LRP11: variants seen among roughly 807,000 people sequenced by gnomAD.
LRP11 encodes the protein low-density lipoprotein receptor-related protein 11.
In LRP11, 25 loss-of-function variants were observed where a neutral mutation model predicts 43.1. The observed-to-expected ratio is 0.58, with a 90% CI of 0.42 to 0.81. The LOEUF is 0.81. Ranked by LOEUF, LRP11 falls within the 30% of genes least tolerant of loss-of-function variation. The pLI is 0.00. For synonymous variants in LRP11, 316 were observed against 299.4 expected, an observed-to-expected ratio of 1.06 and a Z score of -0.57; for missense variants, 623 against 665.1, an observed-to-expected ratio of 0.94 and a Z score of 0.70.
rs921893958 is a variant in LRP11, at chr6:149,827,004, T to C, written c.1253-645A>G. Among the ~76,000 whole-genome samples, 2 of 151,478 alleles carry C rather than the reference T, an allele frequency of 1.3e-5. No individual in the cohort carries two copies. The highest frequency in any genetic ancestry group is 4.9e-5 in the African/African-American group (2 of 41,110). The stretch of plus-strand genomic sequence containing the variant: ...TTTTTTTTTTGAGACAGAGTCTCTG[T>C]TGCCCAGATTGGAGTGCAGTGGCAC... On this transcript the variant is annotated intron_variant, in intron 5 of 6. Coordinates refer to ENST00000239367, the MANE Select transcript of LRP11 (RefSeq NM_032832.6). The surrounding 1 kb of genome is among the most constrained non-coding windows in gnomAD (Gnocchi z 4.2).
At chr6:149,822,514 A>AC (rs1776289604) in intron 6 of LRP11, among the ~76,000 whole-genome samples, 2 of 125,066 alleles carry the variant, frequency 1.6e-5, no homozygotes, top group African/African-American at 6.5e-5. Context: ...AAAAAAAAAA[A>AC]AAAAAGACTG....
intron 1 of LRP11, among the ~76,000 whole-genome samples, chr6:149,859,392 A>ATTTTTTTTTTTTT (rs1379449979): frequency 1.3e-5 from 1 of 76,830 alleles, no homozygotes; most frequent in African/African-American, 9.5e-5. Flanking sequence ...ATATATATAT[A>ATTTTTTTTTTTTT]TATATTTTTT....
intron 6 of LRP11, among the ~76,000 whole-genome samples, chr6:149,825,019 G>T (rs1476169758): frequency 6.6e-6 from 1 of 152,132 alleles, no homozygotes; most frequent in Non-Finnish European, 1.5e-5. Context: ...AATATCTTGG[G>T]ACAGGCTAAG....
chr6:149,831,847 G>C (rs1209488467), intron 5 of LRP11, among the ~76,000 whole-genome samples: 2 of 152,230 alleles, frequency 1.3e-5, no homozygotes, highest in East Asian at 3.9e-4. Flanking sequence ...AGTTTTTGTA[G>C]AGATGGGGTT....
chr6:149,844,064 C>T (rs1046356670), intron 2 of LRP11, among the ~76,000 whole-genome samples: 3 of 152,092 alleles, frequency 2.0e-5, no homozygotes, highest in African/African-American at 7.2e-5. Flanking sequence ...ACCATCTTGG[C>T]CAACATGGTG....
chr6:149,862,934 A>G (rs768637384), intron 1 of LRP11, among the ~76,000 whole-genome samples: 37 of 152,150 alleles, frequency 2.4e-4, no homozygotes, highest in Non-Finnish European at 3.4e-4. Context: ...CTTTTTATAA[A>G]AGGGACCAGA....
rs199576487 is a variant in LRP11, at chr6:149,842,814, C to T, written c.913+169G>A. The T allele has an allele frequency of 1.1e-5, 13 of 1,206,198 alleles. No homozygotes were observed. In the East Asian group the frequency reaches 3.3e-4, roughly 31 times the overall value. 74.7% of individuals were successfully genotyped at this position (1,206,198 alleles called of 1,614,324 possible). ...CCAGTAGCATCGGCTAAGCCCAAAA[C>T]AGAAGAGAGCCTGCTTTTGTTATTG... is the stretch of plus-strand genomic sequence containing the variant. On this transcript the variant is annotated intron_variant, in intron 3 of 6. Transcript: ENST00000239367.
intron 3 of LRP11, among the ~76,000 whole-genome samples, chr6:149,838,198 T>A (rs146686313): frequency 4.2e-4 from 64 of 151,126 alleles, no homozygotes; most frequent in Middle Eastern, 6.8e-3. Flanking sequence ...GGATTACAGG[T>A]GTTAGCCACC....
intron 5 of LRP11, among the ~76,000 whole-genome samples, chr6:149,826,752 CTCTT>C (rs1296391975): frequency 2.6e-5 from 4 of 152,102 alleles, no homozygotes; most frequent in Non-Finnish European, 5.9e-5. Context: ...TTTAGACATG[CTCTT>C]TCTCTTTCTC....
chr6:149,836,080 C>A lies in LRP11; in HGVS notation c.1252+5G>T. The A allele has an allele frequency of 6.2e-7, 1 of 1,613,194 alleles. No individual in the cohort carries two copies. The highest frequency in any genetic ancestry group is 1.6e-4 in the Middle Eastern group (1 of 6,062). ...CTTCATTGAGAACCCACCGTGAATC[C>A]TTACCTGGCATCACAGGAATGATTT... On this transcript the variant is annotated splice_donor_5th_base_variant and intron_variant, in intron 5 of 6. Transcript: ENST00000239367.
Position 149,836,149 on chromosome 6 carries a change from G to A in LRP11, c.1188C>T (p.Asn396=). 1 of 1,614,126 alleles carries A rather than the reference G, an allele frequency of 6.2e-7. No homozygotes were observed. Among genetic ancestry groups the A allele is most frequent in the Non-Finnish European group, 8.5e-7 (1 of 1,180,034 alleles). ...AGGCGGAATGATTCCTCTTCTCTGT[G>A]TTTGATAATGCAGGTGGCTTGTTTG... ...TAPNKPPALS[N]TEKRNHSAFW... is the part of the protein sequence containing the mutation. Residue 396 remains asparagine, a synonymous_variant, in exon 5 of 7, where the codon AAC becomes AAT. Coordinates refer to ENST00000239367, the MANE Select transcript of LRP11 (RefSeq NM_032832.6).
At chr6:149,842,588 A>T in intron 3 of LRP11, 2 of 1,522,040 alleles carry the variant, frequency 1.3e-6, no homozygotes, top group Non-Finnish European at 1.8e-6. Flanking sequence ...AGTAACCGCC[A>T]TTCCACTCTC....
At chr6:149,836,062 G>A in intron 5 of LRP11, 23 bp downstream of exon 5, 1 of 1,598,524 alleles carries the variant, frequency 6.3e-7, no homozygotes, top group Non-Finnish European at 8.6e-7. Flanking sequence ...GTTCTTCATT[G>A]AGAACCCACC....
chr6:149,831,911 C>T (rs1351672484), intron 5 of LRP11, among the ~76,000 whole-genome samples: 1 of 152,168 alleles, frequency 6.6e-6, no homozygotes, highest in African/African-American at 2.4e-5. Flanking sequence ...AATCCACCTG[C>T]CTTGGCCTTC....
In LRP11 at chr6:149,864,291, G is replaced by C. The variant is rs753184357; in HGVS notation, c.-271C>G. The C allele has an allele frequency of 6.7e-6, 7 of 1,047,448 alleles. No individual in the cohort carries two copies. Among genetic ancestry groups the C allele is most frequent in the South Asian group, 4.6e-5 (1 of 21,872 alleles). 64.9% of individuals were successfully genotyped at this position (1,047,448 alleles called of 1,614,324 possible). On this transcript the variant is annotated 5_prime_UTR_variant, in exon 1 of 7. Coordinates refer to ENST00000239367, the MANE Select transcript of LRP11 (RefSeq NM_032832.6). ...CCAGCGCCCTGCGCCTCTCCGCCCCGGCCTGCGGCGCGCTGGGTGGCGACG... is the reference window on the plus strand; with the variant it reads ...CCAGCGCCCTGCGCCTCTCCGCCCCCGCCTGCGGCGCGCTGGGTGGCGACG...
chr6:149,859,392 A>ATTT (rs1379449979), intron 1 of LRP11, among the ~76,000 whole-genome samples: 12 of 76,796 alleles, frequency 1.6e-4, no homozygotes, highest in African/African-American at 9.5e-4. Flanking sequence ...ATATATATAT[A>ATTT]TATATTTTTT....
chr6:149,840,039 T>A (rs1191832606), intron 3 of LRP11, among the ~76,000 whole-genome samples: 1 of 152,216 alleles, frequency 6.6e-6, no homozygotes, highest in East Asian at 1.9e-4. Context: ...TGGCTTGCTG[T>A]TTGATCATTT....
intron 1 of LRP11, among the ~76,000 whole-genome samples, chr6:149,857,514 A>AC (rs1776818264): frequency 6.6e-6 from 1 of 151,994 alleles, no homozygotes; most frequent in African/African-American, 2.4e-5. Flanking sequence ...CAAAAAAAAA[A>AC]AAAAAAGTAA....
intron 5 of LRP11, among the ~76,000 whole-genome samples, chr6:149,830,705 T>C (rs950362975): frequency 8.5e-5 from 13 of 152,358 alleles, no homozygotes; most frequent in Non-Finnish European, 1.6e-4. Context: ...ACTTTCTTTC[T>C]TTAAGAAAAA....
Sources: gnomAD v4.1 joint callset for allele counts (sites outside exome capture counted in the v4.1 genomes callset) on GRCh38, gnomAD v4.1.1 for gene constraint, Gnocchi (gnomAD v3.1) non-coding constraint, MANE v1.5 for transcripts, NCBI Gene and HGNC (gene_info 2026-07-23, HGNC 2026-07-21) for gene names.